SPATA17: variants seen among roughly 807,000 people sequenced by gnomAD.
The protein encoded by SPATA17 is spermatogenesis associated 17.
In SPATA17, 53 loss-of-function variants were observed where a neutral mutation model predicts 62.2. That is an observed-to-expected ratio of 0.85 (90% CI 0.68 to 1.07). The LOEUF (loss-of-function observed/expected upper bound fraction) is 1.07. Ranked by LOEUF, SPATA17 falls within the 50% of genes least tolerant of loss-of-function variation. SPATA17 has a pLI of 0.00. For missense variants in SPATA17, 466 were observed against 425.5 expected (o/e 1.10, Z -0.84); for synonymous variants, 146 against 146.8 (o/e 0.99, Z 0.04).
chr1:217,767,746 C>T (rs1323110222), intron 6 of SPATA17, among the ~76,000 whole-genome samples: 1 of 152,138 alleles, frequency 6.6e-6, no homozygotes, highest in African/African-American at 2.4e-5. Context: ...TCCTTGCATG[C>T]TGTGTACTTT....
chr1:217,862,664 G>A, intron 9 of SPATA17, 110 bp from the exon 10 acceptor site: 2 of 765,744 alleles, frequency 2.6e-6, no homozygotes, highest in Non-Finnish European at 4.2e-6. Context: ...GAAATTTGAA[G>A]TGCAGTTGAA....
At chr1:217,831,003 CT>C (rs978921581) in intron 9 of SPATA17, among the ~76,000 whole-genome samples, 1 of 151,954 alleles carries the variant, frequency 6.6e-6, no homozygotes, top group African/African-American at 2.4e-5. Context: ...AAATGTTTAC[CT>C]TACTTTCTTA....
chr1:217,752,725 T>C (rs1012456641), intron 6 of SPATA17, among the ~76,000 whole-genome samples: 1 of 152,190 alleles, frequency 6.6e-6, no homozygotes, highest in African/African-American at 2.4e-5. Context: ...GAAAAATTTT[T>C]CACAGGCTAG....
At chr1:217,829,654 A>AAAAAAAAAACAAAG (rs1675086928) in intron 9 of SPATA17, among the ~76,000 whole-genome samples, 1 of 137,730 alleles carries the variant, frequency 7.3e-6, no homozygotes, top group African/African-American at 2.6e-5. Flanking sequence ...AAAAAAAAAA[A>AAAAAAAAAACAAAG]TACTGCATTT....
At chr1:217,760,719 A>G (rs1181271764) in intron 6 of SPATA17, among the ~76,000 whole-genome samples, 1 of 152,190 alleles carries the variant, frequency 6.6e-6, no homozygotes, top group Admixed American at 6.5e-5. Flanking sequence ...TAACAAAAGA[A>G]AATTTTCGTT....
chr1:217,798,338 T>G (rs1674208134), intron 8 of SPATA17, among the ~76,000 whole-genome samples: 1 of 152,186 alleles, frequency 6.6e-6, no homozygotes, highest in Admixed American at 6.5e-5. Flanking sequence ...TATTTTCTTG[T>G]CTGTAAAGGA....
At chr1:217,729,960 C>A (rs1672363424) in intron 5 of SPATA17, among the ~76,000 whole-genome samples, 1 of 152,164 alleles carries the variant, frequency 6.6e-6, no homozygotes, top group Non-Finnish European at 1.5e-5. Context: ...TTCAATTTAA[C>A]TCTTTCCACA....
intron 9 of SPATA17, among the ~76,000 whole-genome samples, chr1:217,803,828 G>T (rs1215470009): frequency 6.6e-6 from 1 of 152,076 alleles, no homozygotes; most frequent in East Asian, 1.9e-4. Flanking sequence ...GACCAGCATG[G>T]CCAACTTGGT....
At chr1:217,705,835 C>T (rs900173182) in intron 5 of SPATA17, among the ~76,000 whole-genome samples, 9 of 152,168 alleles carry the variant, frequency 5.9e-5, no homozygotes, top group African/African-American at 1.9e-4. Context: ...CCTAGGTTAT[C>T]TTCCAGGGTT....
chr1:217,809,608 C>G (rs945826888), intron 9 of SPATA17, among the ~76,000 whole-genome samples: 8 of 152,124 alleles, frequency 5.3e-5, no homozygotes, highest in Non-Finnish European at 1.2e-4. Flanking sequence ...GGGAATGAAT[C>G]CATCCTCATA....
intron 1 of SPATA17, among the ~76,000 whole-genome samples, chr1:217,646,311 A>C (rs1047444724): frequency 1.3e-5 from 2 of 152,126 alleles, no homozygotes; most frequent in Admixed American, 1.3e-4. Flanking sequence ...TCAAAGTCCA[A>C]ACTGTTTCCT....
intron 3 of SPATA17, among the ~76,000 whole-genome samples, chr1:217,665,965 G>A (rs1241534168): frequency 6.6e-6 from 1 of 152,086 alleles, no homozygotes; most frequent in Non-Finnish European, 1.5e-5. Flanking sequence ...TATCCTATCT[G>A]ATGTAAATGC....
intron 5 of SPATA17, among the ~76,000 whole-genome samples, chr1:217,699,419 C>G (rs1051055898): frequency 6.6e-6 from 1 of 152,132 alleles, no homozygotes; most frequent in African/African-American, 2.4e-5. Context: ...TGTACTGATA[C>G]ATTCATGAGG....
intron 6 of SPATA17, among the ~76,000 whole-genome samples, chr1:217,772,663 C>T (rs1373807779): frequency 6.6e-6 from 1 of 152,100 alleles, no homozygotes; most frequent in African/African-American, 2.4e-5. Flanking sequence ...GAGGTTTTCA[C>T]GGGCCTTTCT....
intron 1 of SPATA17, among the ~76,000 whole-genome samples, chr1:217,639,978 G>A (rs1170835149): frequency 6.6e-6 from 1 of 151,814 alleles, no homozygotes; most frequent in Non-Finnish European, 1.5e-5. Context: ...AGTCAAATTA[G>A]TAAATTTATT....
intron 1 of SPATA17, among the ~76,000 whole-genome samples, chr1:217,633,781 C>A (rs1471924883): frequency 1.3e-5 from 2 of 152,138 alleles, no homozygotes; most frequent in Admixed American, 6.5e-5. Context: ...AAGGTACGGA[C>A]AAAAAGGCTT....
intron 4 of SPATA17, among the ~76,000 whole-genome samples, chr1:217,673,463 C>T (rs1347212540): frequency 6.6e-6 from 1 of 152,160 alleles, no homozygotes; most frequent in African/African-American, 2.4e-5. Flanking sequence ...TTTGACTTTA[C>T]TCCAGATTAG....
intron 8 of SPATA17, among the ~76,000 whole-genome samples, chr1:217,799,030 A>G (rs143860487): frequency 2.0e-5 from 3 of 152,260 alleles, no homozygotes; most frequent in East Asian, 3.9e-4. Flanking sequence ...AAATTTTACT[A>G]TAAATCAAAG....
At chr1:217,775,959 T>C (rs191992710) in intron 7 of SPATA17, among the ~76,000 whole-genome samples, 1 of 152,306 alleles carries the variant, frequency 6.6e-6, no homozygotes, top group East Asian at 1.9e-4. Flanking sequence ...ATACCACTAC[T>C]TGTTATAACC....
Sources: gnomAD v4.1 joint callset for allele counts (sites outside exome capture counted in the v4.1 genomes callset) on GRCh38, gnomAD v4.1.1 for gene constraint, MANE v1.5 for transcripts, NCBI Gene and HGNC (gene_info 2026-07-23, HGNC 2026-07-21) for gene names.